Variants in CDK12 observed in about 807,000 individuals in gnomAD.
CDK12 encodes cyclin-dependent kinase 12.
A neutral mutation model predicts 133.8 loss-of-function variants in CDK12; 17 were observed. The observed-to-expected ratio is 0.13, with a 90% CI of 0.09 to 0.19. The LOEUF is 0.19. Among genes scored for constraint, CDK12 ranks in the 10% least tolerant of loss-of-function variants. The pLI is 1.00. For synonymous variants in CDK12, 694 were observed against 683.6 expected, an observed-to-expected ratio of 1.02 and a Z score of -0.24; for missense variants, 1,508 against 1,818.7, an observed-to-expected ratio of 0.83 and a Z score of 3.11.
rs756009728 is a variant in CDK12 at position 39,524,737 on chromosome 17, T to C, written c.3159T>C (p.Ser1053=). ...AGAAACGGCGACGTCAGCGACAAAG[T>C]GGTGTTGTAGTCGAAGAGCCACCTC... ...WSKKRRRQRQ[S]GVVVEEPPPS... Residue 1053 remains serine, a synonymous_variant, in exon 12 of 14, where the codon AGT becomes AGC. Coordinates refer to ENST00000447079, the MANE Select transcript of CDK12 (RefSeq NM_016507.4). 2 of 1,613,890 alleles carry C rather than the reference T, an allele frequency of 1.2e-6. No individual in the cohort carries two copies. Among genetic ancestry groups the C allele is most frequent in the Non-Finnish European group, 1.7e-6 (2 of 1,180,012 alleles).
intron 5 of CDK12, among the ~76,000 whole-genome samples, chr17:39,496,803 A>G (rs988738412): frequency 1.3e-4 from 19 of 151,460 alleles, no homozygotes; most frequent in African/African-American, 4.4e-4. Context: ...TTTGATACAG[A>G]GTTATTTGGT....
upstream of CDK12, among the ~76,000 whole-genome samples, chr17:39,545,441 T>G (rs2055637523): frequency 1.3e-5 from 2 of 150,856 alleles, no homozygotes; most frequent in Non-Finnish European, 2.9e-5. Context: ...TGCCTGCCTC[T>G]GCTCCTAAAG....
At chr17:39,564,786 G>A (rs1440734136) in exon 4 of CDK12, 1 of 152,222 alleles carries the variant, frequency 6.6e-6, no homozygotes, top group Non-Finnish European at 1.5e-5. Flanking sequence ...CTCTTAGAGG[G>A]ATTATCCGCA....
intron 11 of CDK12, among the ~76,000 whole-genome samples, chr17:39,523,859 G>T (rs1020315139): frequency 6.6e-6 from 1 of 152,012 alleles, no homozygotes; most frequent in African/African-American, 2.4e-5. Context: ...TCACCATGTT[G>T]CCAGGCTAGT....
At chr17:39,519,858 T>G (rs2146570759) in intron 10 of CDK12, 98 bp from the exon 11 acceptor site, 2 of 1,437,868 alleles carry the variant, frequency 1.4e-6, no homozygotes, top group South Asian at 2.5e-5. Context: ...CCTCCCAAAG[T>G]GCTGGAATTA....
At chr17:39,497,115 C>T (rs2052187926) in intron 5 of CDK12, among the ~76,000 whole-genome samples, 1 of 151,898 alleles carries the variant, frequency 6.6e-6, no homozygotes, top group South Asian at 2.1e-4. Flanking sequence ...GTATCTTTAT[C>T]AGAGACAGGG....
intron 2 of CDK12, among the ~76,000 whole-genome samples, chr17:39,485,163 C>CTT (rs1204334392): frequency 1.5e-5 from 2 of 134,494 alleles, no homozygotes; most frequent in Admixed American, 8.0e-5. Flanking sequence ...GGGCGAGACT[C>CTT]TGTCTCAAAA....
intron 9 of CDK12, among the ~76,000 whole-genome samples, chr17:39,516,903 TC>T (rs1272017612): frequency 6.6e-6 from 1 of 151,952 alleles, no homozygotes; most frequent in African/African-American, 2.4e-5. Flanking sequence ...GACCTCATGA[TC>T]CGCCCACCTC....
intron 10 of CDK12, among the ~76,000 whole-genome samples, chr17:39,518,905 G>A (rs1217424312): frequency 4.0e-5 from 6 of 151,676 alleles, no homozygotes; most frequent in Non-Finnish European, 8.8e-5. Context: ...AGCATTTCTC[G>A]TTTGTTTGTT....
chr17:39,509,990 C>T (rs1048636297), intron 7 of CDK12, among the ~76,000 whole-genome samples: 6 of 151,636 alleles, frequency 4.0e-5, no homozygotes, highest in African/African-American at 9.7e-5. Context: ...TTAGTAGAGA[C>T]GGGGTTTTGC....
At chr17:39,509,130 A>G (rs918980176) in intron 6 of CDK12, among the ~76,000 whole-genome samples, 5 of 152,142 alleles carry the variant, frequency 3.3e-5, no homozygotes, top group Non-Finnish European at 7.4e-5. Flanking sequence ...TTCATGAGCC[A>G]TGTTCTACTG....
At chr17:39,472,932 T>C (rs1362229904) in intron 2 of CDK12, among the ~76,000 whole-genome samples, 1 of 151,978 alleles carries the variant, frequency 6.6e-6, no homozygotes, top group Non-Finnish European at 1.5e-5. Context: ...AAAAATTAGC[T>C]GGGCATGGTG....
Position 39,492,769 on chromosome 17 carries a change from T to C in CDK12, c.2127T>C (p.Tyr709=), listed in dbSNP as rs1309183644. ...TTTTTAGAATTTGTTGTCCTCGTTA[T>C]GGAGAAAGAAGACAAACAGAAAGCG... ...KKRPKICCPR[Y]GERRQTESDW... Residue 709 remains tyrosine (Y), a synonymous_variant, in exon 4 of 14, where the codon TAT becomes TAC. Coordinates refer to ENST00000447079, the MANE Select transcript of CDK12 (RefSeq NM_016507.4). The C allele has an allele frequency of 8.1e-6, 13 of 1,608,276 alleles. No individual in the cohort carries two copies. The highest frequency in any genetic ancestry group is 4.0e-5 in the African/African-American group (3 of 74,534).
At chr17:39,506,080 C>G (rs2053101386) in intron 6 of CDK12, among the ~76,000 whole-genome samples, 1 of 151,984 alleles carries the variant, frequency 6.6e-6, no homozygotes, top group Non-Finnish European at 1.5e-5. Context: ...TGCCAGAGGT[C>G]TGTAATGACA....
At chr17:39,566,626 A>G (rs1202354170), downstream of CDK12, among the ~76,000 whole-genome samples, 1 of 152,076 alleles carries the variant, frequency 6.6e-6, no homozygotes, top group Admixed American at 6.6e-5. Context: ...TGGCAGACAG[A>G]TGGGGTGTCT....
intron 13 of CDK12, 93 bp from the exon 14 acceptor site, chr17:39,530,511 T>G: frequency 1.0e-5 from 15 of 1,472,588 alleles, no homozygotes; most frequent in East Asian, 2.3e-5. Flanking sequence ...TTACTTATAT[T>G]GATATTTGTT....
chr17:39,509,153 T>C (rs1288813717), intron 6 of CDK12, among the ~76,000 whole-genome samples: 1 of 152,178 alleles, frequency 6.6e-6, no homozygotes, highest in Non-Finnish European at 1.5e-5. Context: ...TCAGCATCTC[T>C]AAGAATGGGG....
At position 39,526,058 on chromosome 17, in the gene CDK12, C is replaced by A. The variant is rs2146717291; in HGVS notation, c.3502C>A (p.Gln1168Lys). 6.2e-7 allele frequency: 1 copy of A among 1,614,212 alleles called. No homozygotes were observed. The highest frequency in any genetic ancestry group is 1.1e-5 in the South Asian group (1 of 91,088). Residue 1168 changes from glutamine to lysine, a missense_variant, in exon 13 of 14, where the codon CAG becomes AAG. Around this residue, in one of 9 missense-constraint regions of CDK12, gnomAD observed 399 missense variants for 469.6 expected, o/e 0.85. Transcript: ENST00000447079. The stretch of plus-strand genomic sequence containing the variant: ...CCTGACGGAAGCTACTTCCCAGCAG[C>A]AGGACTCAGAGACCATGGCCCCAGA... The part of the protein sequence containing the change: ...SALTEATSQQ[Q>K]DSETMAPEES...
At chr17:39,494,372 C>T in intron 4 of CDK12, 152 bp from the exon 5 acceptor site, 2 of 646,232 alleles carry the variant, frequency 3.1e-6, no homozygotes, top group Middle Eastern at 3.2e-4. Flanking sequence ...TGCGCCTGGC[C>T]TAGAGTTTAC....
Sources: gnomAD v4.1 joint callset for allele counts (sites outside exome capture counted in the v4.1 genomes callset) on GRCh38, gnomAD v4.1.1 for gene constraint, gnomAD v4.1.1 regional missense constraint, MANE v1.5 for transcripts, NCBI Gene and HGNC (gene_info 2026-07-23, HGNC 2026-07-21) for gene names.